The following MAP3K19 variants were observed in gnomAD, a reference collection of about 807,000 sequenced individuals.
MAP3K19 encodes mitogen-activated protein kinase kinase kinase 19, also known as SPS1/STE20-related protein kinase YSK4.
MAP3K19 carries 91 observed loss-of-function variants against 114.4 expected under a neutral mutation model. That is an observed-to-expected ratio of 0.80 (90% CI 0.67 to 0.95). The LOEUF is 0.95. Among genes scored for constraint, MAP3K19 ranks in the 40% least tolerant of loss-of-function variants. The pLI, the probability that MAP3K19 is intolerant of heterozygous loss-of-function variation, is 0.00. For missense variants in MAP3K19, 1,471 were observed against 1,573.2 expected (o/e 0.94, Z 1.10); for synonymous variants, 518 against 530.5 (o/e 0.98, Z 0.32).
intron 5 of MAP3K19, among the ~76,000 whole-genome samples, chr2:135,017,791 C>G (rs1687677532): frequency 6.6e-6 from 1 of 152,186 alleles, no homozygotes; most frequent in African/African-American, 2.4e-5. Context: ...TCTCACTTCT[C>G]TATCCACTTT....
chr2:134,996,398 A>G (rs1453842372), intron 8 of MAP3K19, among the ~76,000 whole-genome samples: 1 of 150,874 alleles, frequency 6.6e-6, no homozygotes, highest in Non-Finnish European at 1.5e-5. Flanking sequence ...TGTGCCAGGT[A>G]TGATGCCAAA....
Position 134,981,346 on chromosome 2 carries a change from T to G in MAP3K19, c.3395A>C (p.Gln1132Pro). 1 of 1,614,216 alleles carries G rather than the reference T, an allele frequency of 6.2e-7. No individual in the cohort carries two copies. The highest frequency in any genetic ancestry group is 8.5e-7 in the Non-Finnish European group (1 of 1,180,044). Reference sequence around the variant, plus strand: ...CATGAAAATGCTCACAGTGTTCTCTTGCAAGCATGTCCCCAAATAGGCCAC... The same window carrying G: ...CATGAAAATGCTCACAGTGTTCTCTGGCAAGCATGTCCCCAAATAGGCCAC... ...NIVAYLGTCL[Q>P]ENTVSIFMEF... The change falls in exon 12 of 13, where the codon CAA (glutamine) becomes CCA (proline). Residue 1132 changes from glutamine to proline, a missense_variant. Gln to Pro is a moderately conservative substitution (Grantham distance 76, BLOSUM62 -1). Coordinates refer to ENST00000392915, the MANE Select transcript of MAP3K19 (RefSeq NM_025052.5).
At chr2:135,017,337 A>C (rs1205747725) in intron 5 of MAP3K19, among the ~76,000 whole-genome samples, 1 of 152,210 alleles carries the variant, frequency 6.6e-6, no homozygotes, top group East Asian at 1.9e-4. Context: ...CTTTTGGCTT[A>C]GTAGTATAAA....
intron 8 of MAP3K19, among the ~76,000 whole-genome samples, chr2:134,994,745 C>T (rs1304682011): frequency 2.0e-5 from 3 of 152,200 alleles, no homozygotes; most frequent in Non-Finnish European, 4.4e-5. Flanking sequence ...ACCTATTCAG[C>T]TCCTTTGAGG....
At chr2:135,040,190 G>T (rs549861744) in intron 2 of MAP3K19, among the ~76,000 whole-genome samples, 173 bp downstream of exon 2, 103 of 152,182 alleles carry the variant, frequency 6.8e-4, no homozygotes, top group Non-Finnish European at 1.3e-3. Flanking sequence ...GTGAGGAAAT[G>T]AATAGAGATG....
intron 8 of MAP3K19, among the ~76,000 whole-genome samples, chr2:134,992,454 G>A (rs1399847433): frequency 2.0e-5 from 3 of 152,090 alleles, no homozygotes; most frequent in Non-Finnish European, 4.4e-5. Context: ...CACCACTTCT[G>A]CATAGTTTGG....
At position 134,987,746 on chromosome 2, in the gene MAP3K19, C is replaced by G. The variant is rs201878882; in HGVS notation, c.1126G>C (p.Val376Leu). The G allele has an allele frequency of 4.3e-6, 7 of 1,609,572 alleles. No individual in the cohort carries two copies. The highest frequency in any genetic ancestry group is 5.9e-6 in the Non-Finnish European group (7 of 1,179,996). The change falls in exon 10 of 13, where the codon GTA (valine) becomes CTA (leucine). Residue 376 changes from valine to leucine, a missense_variant. Coordinates refer to ENST00000392915, the MANE Select transcript of MAP3K19 (RefSeq NM_025052.5). ...YLSSRKNESSVAKNYEQDPEI... is the reference protein window; with the variant it reads ...YLSSRKNESSLAKNYEQDPEI... ...GGATCTTGTTCATAGTTTTTGGCTA[C>G]TGAACTCTCATTCTTTCTTGATGAA...
chr2:135,023,444 C>T (rs1175171103), intron 4 of MAP3K19: 1 of 533,410 alleles, frequency 1.9e-6, no homozygotes, highest in South Asian at 1.4e-5. Flanking sequence ...CTGTAGAGAA[C>T]TCCCAAACTA....
chr2:134,982,449 C>T (rs1279226858), intron 11 of MAP3K19, among the ~76,000 whole-genome samples: 1 of 150,700 alleles, frequency 6.6e-6, no homozygotes, highest in Non-Finnish European at 1.5e-5. Context: ...CCCCGGGGTT[C>T]AAGCAATTCT....
At chr2:134,982,417 T>A (rs1240188469) in intron 11 of MAP3K19, among the ~76,000 whole-genome samples, 1 of 150,462 alleles carries the variant, frequency 6.6e-6, no homozygotes, top group Non-Finnish European at 1.5e-5. Context: ...AGTGGTGTGA[T>A]CTGGGCTCAC....
intron 5 of MAP3K19, among the ~76,000 whole-genome samples, chr2:135,010,851 G>A (rs1433321697): frequency 6.6e-6 from 1 of 151,884 alleles, no homozygotes; most frequent in Non-Finnish European, 1.5e-5. Flanking sequence ...GGGGTGTCTC[G>A]AATGCCTGGA....
At chr2:135,024,209 C>T (rs996929574) in intron 4 of MAP3K19, among the ~76,000 whole-genome samples, 1 of 152,196 alleles carries the variant, frequency 6.6e-6, no homozygotes, top group African/African-American at 2.4e-5. Flanking sequence ...AGTCAGGCAG[C>T]TTTCACAAAG....
chr2:134,974,499 A>G (rs1446831646), intron 12 of MAP3K19, among the ~76,000 whole-genome samples: 1 of 152,090 alleles, frequency 6.6e-6, no homozygotes, highest in Non-Finnish European at 1.5e-5. Context: ...GGTTGTATCT[A>G]TTTGTGGATC....
In MAP3K19 at chr2:134,985,357, C is replaced by T. The variant is rs73959230; in HGVS notation, c.3072+443G>A. On this transcript the variant is annotated intron_variant, in intron 10 of 12. Transcript: ENST00000392915. ...AGGTGTAGGGGCTCTGAGAAATGTA[C>T]ATTTCATGTCTTCCTATGAACAAAA... Among the ~76,000 whole-genome samples, 658 of 152,268 alleles carry T rather than the reference C, an allele frequency of 4.3e-3. 6 individuals are homozygous for T. Among genetic ancestry groups the T allele is most frequent in the African/African-American group, 0.015 (620 of 41,548 alleles).
At chr2:134,970,669 C>T (rs1276076925) in intron 12 of MAP3K19, among the ~76,000 whole-genome samples, 1 of 150,258 alleles carries the variant, frequency 6.7e-6, no homozygotes, top group African/African-American at 2.5e-5. Context: ...GCGATCTCAG[C>T]TCACTGCAAG....
intron 11 of MAP3K19, 27 bp from the exon 12 acceptor site, chr2:134,981,545 T>C: frequency 6.7e-7 from 1 of 1,495,070 alleles, no homozygotes; most frequent in Non-Finnish European, 9.2e-7. Flanking sequence ...AATACCTTGT[T>C]ATTAAATTAA....
chr2:135,026,824 C>T (rs1688267842), intron 3 of MAP3K19, among the ~76,000 whole-genome samples: 2 of 151,906 alleles, frequency 1.3e-5, no homozygotes, highest in African/African-American at 4.8e-5. Flanking sequence ...TTTGACATTC[C>T]CAGTAACTAC....
At chr2:134,972,929 T>C (rs577535380) in intron 12 of MAP3K19, among the ~76,000 whole-genome samples, 5 of 152,222 alleles carry the variant, frequency 3.3e-5, no homozygotes, top group African/African-American at 1.2e-4. Flanking sequence ...TTTCCATGTA[T>C]TTATACAGTT....
intron 5 of MAP3K19, among the ~76,000 whole-genome samples, chr2:135,018,240 G>A (rs889065951): frequency 8.2e-5 from 11 of 133,706 alleles, no homozygotes; most frequent in South Asian, 2.4e-4. Flanking sequence ...GTGGTGAGCC[G>A]AGATCGAGCC....
Sources: gnomAD v4.1 joint callset for allele counts (sites outside exome capture counted in the v4.1 genomes callset) on GRCh38, gnomAD v4.1.1 for gene constraint, MANE v1.5 for transcripts, NCBI Gene and HGNC (gene_info 2026-07-23, HGNC 2026-07-21) for gene names.